PPP3CA: variants seen among roughly 807,000 people sequenced by gnomAD.
PPP3CA encodes the protein protein phosphatase 3 catalytic subunit alpha, also known as CAM-PRP catalytic subunit.
In PPP3CA, 14 loss-of-function variants were observed where a neutral mutation model predicts 66.5. That is an observed-to-expected ratio of 0.21 (90% CI 0.14 to 0.33). The LOEUF is 0.33. PPP3CA is among the 10% of genes least tolerant of loss of function. PPP3CA has a pLI of 1.00. For synonymous variants in PPP3CA, 232 were observed against 226.2 expected (o/e 1.03, Z -0.23); for missense variants, 317 against 639.5 (o/e 0.50, Z 5.44).
At chr4:101,309,509 G>A (rs1728653778) in intron 1 of PPP3CA, among the ~76,000 whole-genome samples, 3 of 152,074 alleles carry the variant, frequency 2.0e-5, no homozygotes, top group Non-Finnish European at 4.4e-5. Context: ...TGGGGAGGTG[G>A]CACTGCACAG....
intron 8 of PPP3CA, among the ~76,000 whole-genome samples, chr4:101,064,024 C>T (rs1049778211): frequency 1.4e-4 from 21 of 151,834 alleles, no homozygotes; most frequent in Non-Finnish European, 2.1e-4. Flanking sequence ...AATCTATTAT[C>T]GTTAACTATA....
rs1560707867 is a variant in PPP3CA at position 101,303,598 on chromosome 4, TA to T, written c.58+43140del. ...ATGTTTCACTGATATTTTTAACAAATAAAAATACATCTTTAACAATTAACTT... is the reference window on the plus strand; with the variant it reads ...ATGTTTCACTGATATTTTTAACAAATAAAATACATCTTTAACAATTAACTT... On this transcript the variant is annotated intron_variant, in intron 1 of 13. Transcript: ENST00000394854. Among the ~76,000 whole-genome samples, 3 of 152,164 alleles carry T rather than the reference TA, an allele frequency of 2.0e-5. No individual in the cohort carries two copies. In the South Asian group the frequency reaches 6.2e-4, roughly 32 times the overall value.
chr4:101,307,854 T>C (rs1728596151), intron 1 of PPP3CA, among the ~76,000 whole-genome samples: 1 of 152,244 alleles, frequency 6.6e-6, no homozygotes. Flanking sequence ...CAAACTTCTC[T>C]TTTATAAAAA....
chr4:101,119,032 A>T (rs1340036310), intron 2 of PPP3CA, among the ~76,000 whole-genome samples: 3 of 150,058 alleles, frequency 2.0e-5, no homozygotes, highest in Non-Finnish European at 4.4e-5. Context: ...CATGGTATGT[A>T]CTAACAAAAT....
At chr4:101,234,464 T>A (rs927597495) in intron 1 of PPP3CA, among the ~76,000 whole-genome samples, 1 of 151,920 alleles carries the variant, frequency 6.6e-6, no homozygotes, top group African/African-American at 2.4e-5. Flanking sequence ...GTGGTTTTGA[T>A]TTGCATTTCT....
intron 2 of PPP3CA, 126 bp downstream of exon 2, chr4:101,195,790 A>AGTAGTAATATACTTTTACTAC (rs1724770459): frequency 2.8e-6 from 2 of 724,416 alleles, no homozygotes; most frequent in East Asian, 5.3e-5. Flanking sequence ...TAATGTATAG[A>AGTAGTAATATACTTTTACTAC]TTCAACAGTA....
At chr4:101,268,350 G>A (rs1578612477) in intron 1 of PPP3CA, among the ~76,000 whole-genome samples, 1 of 152,082 alleles carries the variant, frequency 6.6e-6, no homozygotes, top group African/African-American at 2.4e-5. Context: ...GCAAAATTCT[G>A]TCACATCTCA....
intron 6 of PPP3CA, among the ~76,000 whole-genome samples, chr4:101,092,934 T>C (rs1215672962): frequency 6.6e-6 from 1 of 152,196 alleles, no homozygotes; most frequent in Non-Finnish European, 1.5e-5. Flanking sequence ...CATGTGTCTT[T>C]ATAGTAGAAT....
At chr4:101,112,321 C>A (rs1242989309) in intron 2 of PPP3CA, among the ~76,000 whole-genome samples, 1 of 152,054 alleles carries the variant, frequency 6.6e-6, no homozygotes, top group African/African-American at 2.4e-5. Context: ...TCTATAATAA[C>A]TTTGTGATAA....
chr4:101,304,128 T>C (rs1480597739), intron 1 of PPP3CA, among the ~76,000 whole-genome samples: 1 of 152,142 alleles, frequency 6.6e-6, no homozygotes, highest in Non-Finnish European at 1.5e-5. Flanking sequence ...TTATGCATTA[T>C]CAATCAAAGT....
At chr4:101,033,323 CACACACAGGG>C (rs1408843627) in intron 11 of PPP3CA, among the ~76,000 whole-genome samples, 8 of 144,280 alleles carry the variant, frequency 5.5e-5, no homozygotes, top group Non-Finnish European at 9.0e-5. Flanking sequence ...CACACACACA[CACACACAGGG>C]AGAGAGTTTA....
intron 2 of PPP3CA, among the ~76,000 whole-genome samples, chr4:101,140,195 T>G (rs77710010): frequency 6.6e-6 from 1 of 152,232 alleles, no homozygotes; most frequent in Non-Finnish European, 1.5e-5. Flanking sequence ...GGAGATTACT[T>G]GTGAAAACAC....
intron 3 of PPP3CA, among the ~76,000 whole-genome samples, chr4:101,101,906 T>G (rs1436906921): frequency 6.6e-6 from 1 of 152,196 alleles, no homozygotes; most frequent in African/African-American, 2.4e-5. Flanking sequence ...TGGAACTTTG[T>G]AACCCCACTC....
intron 1 of PPP3CA, among the ~76,000 whole-genome samples, chr4:101,255,831 G>A (rs962412309): frequency 6.6e-6 from 1 of 151,768 alleles, no homozygotes; most frequent in Non-Finnish European, 1.5e-5. Flanking sequence ...ACTTTGTTTT[G>A]TTACCATAAT....
intron 8 of PPP3CA, among the ~76,000 whole-genome samples, chr4:101,071,242 G>C (rs893400495): frequency 6.6e-6 from 1 of 152,158 alleles, no homozygotes. Context: ...CTTGGACTTT[G>C]TATCAGGCCT....
At chr4:101,272,432 C>T (rs967913941) in intron 1 of PPP3CA, among the ~76,000 whole-genome samples, 1 of 152,166 alleles carries the variant, frequency 6.6e-6, no homozygotes, top group African/African-American at 2.4e-5. Flanking sequence ...CTATAATATA[C>T]AAGATACGTA....
At chr4:101,237,764 T>C (rs1726174130) in intron 1 of PPP3CA, among the ~76,000 whole-genome samples, 1 of 152,098 alleles carries the variant, frequency 6.6e-6, no homozygotes, top group Non-Finnish European at 1.5e-5. Flanking sequence ...GCAGATGCTG[T>C]GGGGCACTGG....
intron 3 of PPP3CA, 45 bp from the exon 4 acceptor site, chr4:101,099,767 C>A (rs3729663): frequency 9.3e-7 from 1 of 1,074,668 alleles, no homozygotes; most frequent in South Asian, 2.1e-5. Flanking sequence ...TTTTCCTTAA[C>A]ACTTATGCAT....
intron 6 of PPP3CA, among the ~76,000 whole-genome samples, chr4:101,093,216 AT>A (rs1226976263): frequency 6.6e-6 from 1 of 152,084 alleles, no homozygotes; most frequent in Non-Finnish European, 1.5e-5. Context: ...GATGATGAGC[AT>A]TTTTTCATTG....
Sources: allele counts gnomAD v4.1 joint callset (sites outside exome capture counted in the v4.1 genomes callset), GRCh38; gene constraint gnomAD v4.1.1; transcripts MANE v1.5; gene names NCBI Gene and HGNC (gene_info 2026-07-23, HGNC 2026-07-21).